WSCD2: variants seen among roughly 807,000 people sequenced by gnomAD.
WSCD2 encodes the protein WSC domain sialate O sulfotransferase 2.
A neutral mutation model predicts 55.7 loss-of-function variants in WSCD2; 28 were observed. The observed-to-expected ratio is 0.50, with a 90% CI of 0.37 to 0.69. The LOEUF (loss-of-function observed/expected upper bound fraction) is 0.69, where lower values mean the gene tolerates loss of function less well. Ranked by LOEUF, WSCD2 falls within the 30% of genes least tolerant of loss-of-function variation. The pLI is 0.00. For synonymous variants in WSCD2, 301 were observed against 301.9 expected (o/e 1.00, Z 0.03); for missense variants, 616 against 762.1 (o/e 0.81, Z 2.26).
intron 2 of WSCD2, among the ~76,000 whole-genome samples, chr12:108,204,023 C>A (rs1475495108): frequency 6.6e-6 from 1 of 152,182 alleles, no homozygotes; most frequent in East Asian, 1.9e-4. Context: ...AGAACATACA[C>A]CATATGCCCA....
chr12:108,132,377 C>T (rs1875659525), intron 1 of WSCD2, among the ~76,000 whole-genome samples: 1 of 152,112 alleles, frequency 6.6e-6, no homozygotes, highest in Non-Finnish European at 1.5e-5. Context: ...TGTGCATTCT[C>T]ATGCAGGTGT....
At position 108,227,094 on chromosome 12, in the gene WSCD2, G is replaced by A; in HGVS notation, c.909G>A (p.Lys303=). 1 of 1,614,220 alleles carries A rather than the reference G, an allele frequency of 6.2e-7. No individual in the cohort carries two copies. The change falls in exon 6 of 9, where the codon AAG becomes AAA. Residue 303 remains lysine (K), a synonymous_variant. Coordinates refer to ENST00000547525, the MANE Select transcript of WSCD2 (RefSeq NM_014653.4). ...AGGATGAGCAGCTCTGTGCCCAGAAGTGCAGCGCGGAGGAGTTTGAGAGCT... is the reference window on the plus strand; with the variant it reads ...AGGATGAGCAGCTCTGTGCCCAGAAATGCAGCGCGGAGGAGTTTGAGAGCT... ...DREDEQLCAQ[K]CSAEEFESCG... is the part of the protein sequence containing the mutation.
chr12:108,167,120 G>C (rs1879750514), intron 1 of WSCD2, among the ~76,000 whole-genome samples: 1 of 152,066 alleles, frequency 6.6e-6, no homozygotes, highest in Non-Finnish European at 1.5e-5. Flanking sequence ...ACTATTTGCT[G>C]TATGTTTTAG....
At chr12:108,207,372 TA>T (rs1352395145) in intron 3 of WSCD2, among the ~76,000 whole-genome samples, 8 of 151,852 alleles carry the variant, frequency 5.3e-5, no homozygotes, top group Non-Finnish European at 1.0e-4. Flanking sequence ...CTTTATTTTT[TA>T]TTTTTTATTT....
rs1285443745 is a variant in WSCD2 at position 108,250,190 on chromosome 12, GTGTGTGTGT to G, written c.*1848_*1856del. ...TTTCCTAGTGTGTGTGTGTGTGTGT[GTGTGTGTGT>G]ATGAGAGAGAGAGAGAGAGACAACA... is the stretch of plus-strand genomic sequence containing the variant. On this transcript the variant is annotated 3_prime_UTR_variant, in exon 9 of 9. Transcript: ENST00000547525. 3.3e-5 allele frequency: 5 copies of G among 149,614 alleles called. No homozygotes were observed. The highest frequency in any genetic ancestry group is 5.9e-5 in the Non-Finnish European group (4 of 67,664). 9.3% of individuals were successfully genotyped at this position (149,614 alleles called of 1,614,324 possible).
chr12:108,159,495 G>T (rs1484515035), intron 1 of WSCD2, among the ~76,000 whole-genome samples: 1 of 152,216 alleles, frequency 6.6e-6, no homozygotes, highest in Non-Finnish European at 1.5e-5. Flanking sequence ...CCACTCATTT[G>T]TGATCCCCGT....
chr12:108,196,382 T>C, intron 2 of WSCD2, 168 bp downstream of exon 2: 3 of 1,159,942 alleles, frequency 2.6e-6, no homozygotes, highest in Admixed American at 3.1e-5. Flanking sequence ...GAGGAGAAAA[T>C]TGAAGCTCAG....
chr12:108,200,724 G>A (rs527886075), intron 2 of WSCD2, among the ~76,000 whole-genome samples: 13 of 152,312 alleles, frequency 8.5e-5, no homozygotes, highest in Middle Eastern at 6.8e-3. Context: ...ATTTAGAAAA[G>A]TTTTGGGGGA....
chr12:108,149,199 G>T (rs528348125), intron 1 of WSCD2, among the ~76,000 whole-genome samples: 2 of 152,322 alleles, frequency 1.3e-5, no homozygotes, highest in South Asian at 4.1e-4. Context: ...GATGGGCAGG[G>T]ACTGAGCAGA....
chr12:108,214,438 C>T (rs1886596501), intron 4 of WSCD2, among the ~76,000 whole-genome samples: 2 of 152,238 alleles, frequency 1.3e-5, no homozygotes, highest in Non-Finnish European at 2.9e-5. Flanking sequence ...CACGTGGACT[C>T]TTTGCCCTTG....
chr12:108,202,400 G>C (rs1884811227), intron 2 of WSCD2, among the ~76,000 whole-genome samples: 1 of 152,208 alleles, frequency 6.6e-6, no homozygotes, highest in South Asian at 2.1e-4. Flanking sequence ...TAAGGAAACA[G>C]AGGGTCATTC....
At chr12:108,217,296 C>T (rs1886954378) in intron 4 of WSCD2, among the ~76,000 whole-genome samples, 2 of 152,208 alleles carry the variant, frequency 1.3e-5, no homozygotes, top group Admixed American at 6.5e-5. Flanking sequence ...ATCCAGAATT[C>T]TTTATACCAC....
rs760365801 is a variant in WSCD2 at position 108,250,309 on chromosome 12, C to G, written c.*1966C>G. The G allele has an allele frequency of 1.3e-5, 2 of 151,936 alleles. No homozygotes were observed. Among genetic ancestry groups the G allele is most frequent in the African/African-American group, 4.8e-5 (2 of 41,260 alleles). The allele number at this position is 151,936 out of a possible 1,614,324, so 9.4% of individuals were successfully genotyped here. On this transcript the variant is annotated 3_prime_UTR_variant, in exon 9 of 9. Transcript: ENST00000547525. Reference sequence around the variant, plus strand: ...GACAGAAAATGTTCGGGGTGGCAGGCGGGTTGGTGTATAACTGCTTTGTGC... The same window carrying G: ...GACAGAAAATGTTCGGGGTGGCAGGGGGGTTGGTGTATAACTGCTTTGTGC...
intron 1 of WSCD2, among the ~76,000 whole-genome samples, chr12:108,158,400 G>A (rs1878734093): frequency 8.2e-6 from 1 of 121,502 alleles, no homozygotes; most frequent in Non-Finnish European, 1.6e-5. Flanking sequence ...TCTAAGCAGT[G>A]AAATACAACC....
rs1485559628 is a variant in WSCD2, at chr12:108,211,627, TCC to T, written c.682+1324_682+1325del. Among the ~76,000 whole-genome samples the T allele has an allele frequency of 8.8e-5, 8 of 91,184 alleles. No individual in the cohort carries two copies. In the Admixed American group the frequency reaches 9.2e-4, roughly 11 times the overall value. 59.8% of individuals were successfully genotyped at this position (91,184 alleles called of 152,430 possible). A position where few individuals can be genotyped will look rare whatever the true frequency, so the allele number is the denominator to read the frequency against. ...TTGAAAATGTGTCCAGTGTTTCAAA[TCC>T]CATATATATATATATATATATACAT... On this transcript the variant is annotated intron_variant, in intron 4 of 8. Transcript: ENST00000547525.
chr12:108,196,391 A>G, intron 2 of WSCD2, 177 bp downstream of exon 2: 3 of 1,073,716 alleles, frequency 2.8e-6, no homozygotes, highest in East Asian at 2.7e-5. Context: ...ATTGAAGCTC[A>G]GAGAGATGAA....
intron 1 of WSCD2, among the ~76,000 whole-genome samples, chr12:108,152,107 G>C (rs911699188): frequency 6.6e-6 from 1 of 152,178 alleles, no homozygotes; most frequent in East Asian, 1.9e-4. Flanking sequence ...CCCGGGAAAC[G>C]CTCAGAGGAA....
At chr12:108,200,390 T>C (rs1180695747) in intron 2 of WSCD2, among the ~76,000 whole-genome samples, 1 of 152,256 alleles carries the variant, frequency 6.6e-6, no homozygotes, top group African/African-American at 2.4e-5. Context: ...CCAGCCCGAT[T>C]TGATCAGAGT....
intron 1 of WSCD2, among the ~76,000 whole-genome samples, chr12:108,145,350 C>T (rs141988179): frequency 2.0e-5 from 3 of 152,316 alleles, no homozygotes; most frequent in Non-Finnish European, 4.4e-5. Context: ...GTGATTACAG[C>T]GTTGTGTGTT....
Sources: allele counts gnomAD v4.1 joint callset (sites outside exome capture counted in the v4.1 genomes callset), GRCh38; gene constraint gnomAD v4.1.1; transcripts MANE v1.5; gene names NCBI Gene and HGNC (gene_info 2026-07-23, HGNC 2026-07-21).